Variants in KLRG2 observed in about 807,000 individuals in gnomAD.
The protein encoded by KLRG2 is killer cell lectin-like receptor subfamily G member 2.
KLRG2 carries 39 observed loss-of-function variants against 35.4 expected under a neutral mutation model. The observed-to-expected ratio is 1.10, with a 90% confidence interval of 0.85 to 1.44. KLRG2 has a LOEUF of 1.44. Ranked by LOEUF, KLRG2 falls within the 40% of genes most tolerant of loss-of-function variation. The pLI is 0.00. For missense variants in KLRG2, 632 were observed against 570.9 expected, an observed-to-expected ratio of 1.11 and a Z score of -1.09; for synonymous variants, 283 against 265.8, an observed-to-expected ratio of 1.06 and a Z score of -0.63.
At chr7:139,459,590 G>A (rs1211815637) in intron 3 of KLRG2, among the ~76,000 whole-genome samples, 1 of 152,166 alleles carries the variant, frequency 6.6e-6, no homozygotes, top group Admixed American at 6.5e-5. Context: ...CAGCCCAGGC[G>A]CTGAGCAGAA....
intron 3 of KLRG2, among the ~76,000 whole-genome samples, chr7:139,478,932 CAT>C (rs1219277931): frequency 1.3e-5 from 2 of 151,730 alleles, no homozygotes; most frequent in Non-Finnish European, 2.9e-5. Context: ...CGATTAAAAA[CAT>C]AAGTGCTTGG....
intron 3 of KLRG2, among the ~76,000 whole-genome samples, chr7:139,470,728 G>T (rs1302483626): frequency 6.6e-6 from 1 of 152,016 alleles, no homozygotes; most frequent in Non-Finnish European, 1.5e-5. Flanking sequence ...AGAGTTCGAG[G>T]CTGCAGCGAG....
At chr7:139,429,427 G>A in the KLRG2 span, among the ~76,000 whole-genome samples, 1 of 151,446 alleles carries the variant, frequency 6.6e-6, no homozygotes, top group South Asian at 2.1e-4. Context: ...TCTCGCAGAG[G>A]GGGATTTGGC....
At chr7:139,474,906 T>C (rs1280099125) in intron 3 of KLRG2, among the ~76,000 whole-genome samples, 4 of 152,118 alleles carry the variant, frequency 2.6e-5, no homozygotes, top group African/African-American at 9.7e-5. Context: ...ACCTAGGAAA[T>C]AGAATCTCTC....
At chr7:139,428,139 T>C in the KLRG2 span, among the ~76,000 whole-genome samples, 1 of 152,198 alleles carries the variant, frequency 6.6e-6, no homozygotes, top group Admixed American at 6.5e-5. Context: ...GCAAGTACTG[T>C]CCCATTTCCA....
intron 3 of KLRG2, among the ~76,000 whole-genome samples, chr7:139,470,717 G>A (rs796359950): frequency 6.6e-6 from 1 of 152,124 alleles, no homozygotes; most frequent in African/African-American, 2.4e-5. Context: ...CTTGAGTCAG[G>A]AGAGTTCGAG....
chr7:139,478,634 C>T (rs1796898418), intron 3 of KLRG2, among the ~76,000 whole-genome samples: 1 of 150,806 alleles, frequency 6.6e-6, no homozygotes, highest in African/African-American at 2.4e-5. Flanking sequence ...TATGCCACTG[C>T]ACTCCAGCCT....
intron 3 of KLRG2, among the ~76,000 whole-genome samples, chr7:139,467,462 C>T (rs972526347): frequency 1.1e-4 from 16 of 152,186 alleles, no homozygotes; most frequent in African/African-American, 3.6e-4. Context: ...AAGAAGTAGA[C>T]ATAGGAGACT....
chr7:139,473,903 G>A (rs1424579822), intron 3 of KLRG2, among the ~76,000 whole-genome samples: 1 of 151,982 alleles, frequency 6.6e-6, no homozygotes, highest in Non-Finnish European at 1.5e-5. Flanking sequence ...AAGGCCCACA[G>A]GGCATATTAT....
downstream of KLRG2, among the ~76,000 whole-genome samples, chr7:139,451,914 C>T (rs188086820): frequency 1.3e-4 from 20 of 151,922 alleles, no homozygotes; most frequent in African/African-American, 3.4e-4. Context: ...TTGATTGGCG[C>T]CTGCCCCACG....
the KLRG2 span, among the ~76,000 whole-genome samples, chr7:139,429,670 C>G: frequency 6.6e-6 from 1 of 152,178 alleles, no homozygotes; most frequent in South Asian, 2.1e-4. Context: ...GCACATGTTT[C>G]AGAGAGCACA....
intron 3 of KLRG2, among the ~76,000 whole-genome samples, chr7:139,466,193 C>T (rs577976477): frequency 2.6e-5 from 4 of 152,314 alleles, no homozygotes; most frequent in African/African-American, 7.2e-5. Context: ...CCAGGACTGG[C>T]AAATTGACTT....
chr7:139,454,737 G>A (rs537211127), intron 3 of KLRG2, among the ~76,000 whole-genome samples: 12 of 151,604 alleles, frequency 7.9e-5, no homozygotes, highest in East Asian at 5.8e-4. Flanking sequence ...AATCGCTTGA[G>A]CCCAGGAGAC....
the KLRG2 span, among the ~76,000 whole-genome samples, chr7:139,439,633 T>C: frequency 6.6e-6 from 1 of 152,118 alleles, no homozygotes; most frequent in African/African-American, 2.4e-5. Context: ...ACTTAGTAGT[T>C]CCCTGCTTCC....
the KLRG2 span, among the ~76,000 whole-genome samples, chr7:139,445,297 G>A: frequency 6.6e-6 from 1 of 152,196 alleles, no homozygotes; most frequent in South Asian, 2.1e-4. Context: ...GGCCAGGCTG[G>A]TCTCGAACCC....
At chr7:139,443,470 T>C in the KLRG2 span, among the ~76,000 whole-genome samples, 1 of 152,204 alleles carries the variant, frequency 6.6e-6, no homozygotes, top group Non-Finnish European at 1.5e-5. Context: ...ATAAGGTATA[T>C]ACCAAGTCCT....
At chr7:139,446,736 C>CTCCGACCA in the KLRG2 span, among the ~76,000 whole-genome samples, 2 of 152,072 alleles carry the variant, frequency 1.3e-5, no homozygotes, top group Non-Finnish European at 2.9e-5. Flanking sequence ...CTCCCGCCTC[C>CTCCGACCA]TCCGACCATC....
At chr7:139,481,796 C>G (rs746125744) in intron 1 of KLRG2, among the ~76,000 whole-genome samples, 1 of 152,112 alleles carries the variant, frequency 6.6e-6, no homozygotes, top group East Asian at 1.9e-4. Flanking sequence ...TGGTGGCCGG[C>G]GCCTGTAATC....
intron 3 of KLRG2, among the ~76,000 whole-genome samples, chr7:139,468,468 G>A (rs976435180): frequency 6.6e-6 from 1 of 152,126 alleles, no homozygotes; most frequent in Non-Finnish European, 1.5e-5. Flanking sequence ...GCCCCTGCCT[G>A]CCAGAGAACA....
Sources: gnomAD v4.1 joint callset for allele counts (sites outside exome capture counted in the v4.1 genomes callset) on GRCh38, gnomAD v4.1.1 for gene constraint, MANE v1.5 for transcripts, NCBI Gene and HGNC (gene_info 2026-07-23, HGNC 2026-07-21) for gene names.